Variants in C8A observed in about 807,000 individuals in gnomAD.
The protein encoded by C8A is complement component C8 alpha chain.
In C8A, 67 loss-of-function variants were observed where a neutral mutation model predicts 65.3. That is an observed-to-expected ratio of 1.03 (90% CI 0.84 to 1.26). The LOEUF is 1.26. C8A is among the 50% of genes most tolerant of loss of function. The pLI is 0.00. For synonymous variants in C8A, 290 were observed against 259.4 expected (o/e 1.12, Z -1.13); for missense variants, 781 against 723.9 (o/e 1.08, Z -0.90).
intron 7 of C8A, among the ~76,000 whole-genome samples, chr1:56,899,527 A>C (rs186938440): frequency 1.3e-5 from 2 of 152,300 alleles, no homozygotes. Flanking sequence ...GAGCTAACAC[A>C]TGGAATATCT....
Position 56,876,262 on chromosome 1 carries a change from CG to C in C8A, c.464+54del. 5.6e-6 allele frequency: 9 copies of C among 1,608,042 alleles called. No homozygotes were observed. The South Asian group carries it at 6.6e-5, about 12-fold the overall frequency. On this transcript the variant is annotated intron_variant, in intron 4 of 10. Coordinates refer to ENST00000361249, the MANE Select transcript of C8A (RefSeq NM_000562.3). Reference sequence around the variant, plus strand: ...GAGCAGGGAATGATTTGTCTTCAATCGTGAGCATTAGTTTTGAGGACAGAAG... The same window carrying C: ...GAGCAGGGAATGATTTGTCTTCAATCTGAGCATTAGTTTTGAGGACAGAAG...
intron 4 of C8A, among the ~76,000 whole-genome samples, chr1:56,880,587 T>C (rs996949826): frequency 1.3e-5 from 2 of 152,146 alleles, no homozygotes; most frequent in Non-Finnish European, 2.9e-5. Context: ...CAATGTCCCA[T>C]GCTGCCTCAA....
intron 7 of C8A, among the ~76,000 whole-genome samples, chr1:56,902,801 A>T (rs967610075): frequency 2.0e-5 from 3 of 152,042 alleles, no homozygotes; most frequent in African/African-American, 7.3e-5. Flanking sequence ...GTTCAATCGC[A>T]TTGTCACATA....
chr1:56,911,129 T>A (rs1341712836), intron 9 of C8A, among the ~76,000 whole-genome samples: 1 of 151,872 alleles, frequency 6.6e-6, no homozygotes, highest in Non-Finnish European at 1.5e-5. Context: ...TTTTTTGTCA[T>A]TCTTCCCTTG....
chr1:56,903,342 A>C (rs774165700), intron 7 of C8A, among the ~76,000 whole-genome samples: 1 of 151,806 alleles, frequency 6.6e-6, no homozygotes, highest in African/African-American at 2.4e-5. Context: ...TTTGCTTGGC[A>C]CTTCTTCTTG....
Position 56,912,427 on chromosome 1 carries a change from C to G in C8A, c.1405C>G (p.Arg469Gly), listed in dbSNP as rs199713008. ...GATGCAGCCTATCCACGAGGTGCTGCGGCACACAAGCCTGGGGCCTCTGGA... is the reference window on the plus strand; with the variant it reads ...GATGCAGCCTATCCACGAGGTGCTGGGGCACACAAGCCTGGGGCCTCTGGA... ...FEMQPIHEVLRHTSLGPLEAK... is the reference protein window; with the variant it reads ...FEMQPIHEVLGHTSLGPLEAK... Residue 469 changes from arginine to glycine, a missense_variant, in exon 10 of 11, where the codon CGG (arginine) becomes GGG (glycine). Coordinates refer to ENST00000361249, the MANE Select transcript of C8A (RefSeq NM_000562.3). The G allele has an allele frequency of 1.2e-6, 2 of 1,614,040 alleles. No individual in the cohort carries two copies. The highest frequency in any genetic ancestry group is 1.7e-6 in the Non-Finnish European group (2 of 1,180,000).
At chr1:56,895,866 T>C (rs1644383952) in intron 7 of C8A, among the ~76,000 whole-genome samples, 1 of 152,118 alleles carries the variant, frequency 6.6e-6, no homozygotes. Context: ...GGAGGATCAC[T>C]TGAGCCTGGG....
chr1:56,903,950 A>C (rs777199904), intron 7 of C8A, among the ~76,000 whole-genome samples: 76 of 152,350 alleles, frequency 5.0e-4, no homozygotes, highest in Non-Finnish European at 1.0e-3. Flanking sequence ...AATAAACTGC[A>C]GTTTGACCTG....
intron 7 of C8A, among the ~76,000 whole-genome samples, chr1:56,892,136 A>G (rs1195775709): frequency 6.6e-6 from 1 of 151,990 alleles, no homozygotes; most frequent in Non-Finnish European, 1.5e-5. Flanking sequence ...CCATATTTTC[A>G]TATGCCTGTG....
intron 10 of C8A, among the ~76,000 whole-genome samples, chr1:56,915,637 C>T (rs1644544675): frequency 6.6e-6 from 1 of 152,130 alleles, no homozygotes; most frequent in East Asian, 1.9e-4. Context: ...TGTGTATGAA[C>T]TCATTTATTT....
intron 6 of C8A, 47 bp from the exon 7 acceptor site, chr1:56,885,880 T>C (rs555688426): frequency 6.2e-7 from 1 of 1,612,790 alleles, no homozygotes; most frequent in Non-Finnish European, 8.5e-7. Context: ...TGGTAAAATA[T>C]ATGCTCTCTT....
chr1:56,864,772 A>G (rs1382058438), intron 1 of C8A, among the ~76,000 whole-genome samples: 1 of 152,194 alleles, frequency 6.6e-6, no homozygotes, highest in Non-Finnish European at 1.5e-5. Context: ...TGCTAGCACC[A>G]TGTTACAAAT....
At chr1:56,894,463 G>A (rs1366699259) in intron 7 of C8A, among the ~76,000 whole-genome samples, 1 of 151,938 alleles carries the variant, frequency 6.6e-6, no homozygotes, top group Non-Finnish European at 1.5e-5. Flanking sequence ...ATCATCCCTG[G>A]CCCTGATGGA....
intron 6 of C8A, among the ~76,000 whole-genome samples, chr1:56,885,584 G>T (rs1360978898): frequency 7.0e-6 from 1 of 142,804 alleles, no homozygotes; most frequent in African/African-American, 2.6e-5. Flanking sequence ...TTTTTTTGAG[G>T]CGGAGTCTTG....
At position 56,904,616 on chromosome 1, in the gene C8A, G is replaced by A. The variant is rs138711987; in HGVS notation, c.1097-2051G>A. 8.8e-3 allele frequency among the ~76,000 whole-genome samples: 1,346 copies of A among 152,280 alleles called. 32 individuals carry two copies. Among genetic ancestry groups the A allele is most frequent in the Admixed American group, 0.049 (745 of 15,294 alleles). ...GCTTCTAAACATAACAGACTTGAGCGTGAATCTCAGCTTCACCATTTTTTA... is the reference window on the plus strand; with the variant it reads ...GCTTCTAAACATAACAGACTTGAGCATGAATCTCAGCTTCACCATTTTTTA... On this transcript the variant is annotated intron_variant, in intron 7 of 10. Transcript: ENST00000361249.
intron 9 of C8A, among the ~76,000 whole-genome samples, chr1:56,911,065 G>GTTT (rs11325191): frequency 2.9e-4 from 41 of 141,870 alleles, no homozygotes; most frequent in South Asian, 6.8e-4. Context: ...AAAAACATGG[G>GTTT]TTTTTTTTTT....
chr1:56,908,562 A>G (rs1570352547), intron 9 of C8A, among the ~76,000 whole-genome samples: 1 of 152,182 alleles, frequency 6.6e-6, no homozygotes, highest in African/African-American at 2.4e-5. Context: ...TCTCTTCTTC[A>G]TCAAATCTCT....
At chr1:56,896,129 A>G (rs1157231602) in intron 7 of C8A, among the ~76,000 whole-genome samples, 1 of 152,180 alleles carries the variant, frequency 6.6e-6, no homozygotes, top group Non-Finnish European at 1.5e-5. Context: ...AATAGCCCTA[A>G]GGGAGGCATT....
chr1:56,892,685 T>C (rs1324845472), intron 7 of C8A, among the ~76,000 whole-genome samples: 1 of 151,952 alleles, frequency 6.6e-6, no homozygotes, highest in Admixed American at 6.6e-5. Flanking sequence ...TTATCAGAGG[T>C]TAGATGGATG....
Sources: gnomAD v4.1 joint callset for allele counts (sites outside exome capture counted in the v4.1 genomes callset) on GRCh38, gnomAD v4.1.1 for gene constraint, MANE v1.5 for transcripts, NCBI Gene and HGNC (gene_info 2026-07-23, HGNC 2026-07-21) for gene names.